MKLN1: variants seen among roughly 807,000 people sequenced by gnomAD.
MKLN1 encodes muskelin.
Under a neutral mutation model 99.0 loss-of-function variants are expected in MKLN1, and 18 were observed. The observed-to-expected ratio is 0.18, with a 90% CI of 0.13 to 0.27. The LOEUF (loss-of-function observed/expected upper bound fraction) is 0.27. Among genes scored for constraint, MKLN1 ranks in the 10% least tolerant of loss-of-function variants. The pLI, the probability that MKLN1 is intolerant of heterozygous loss-of-function variation, is 1.00. For synonymous variants in MKLN1, 288 were observed against 293.2 expected (o/e 0.98, Z 0.18); for missense variants, 621 against 875.9 (o/e 0.71, Z 3.67).
chr7:131,476,753 T>C (rs564131469), intron 16 of MKLN1, among the ~76,000 whole-genome samples: 28 of 152,300 alleles, frequency 1.8e-4, no homozygotes, highest in African/African-American at 6.3e-4. Flanking sequence ...AAAATTTACA[T>C]GGAAATGCAA....
intron 1 of MKLN1, among the ~76,000 whole-genome samples, chr7:131,339,203 G>A (rs550779086): frequency 6.2e-4 from 94 of 152,272 alleles, no homozygotes; most frequent in Middle Eastern, 3.4e-3. Flanking sequence ...GGGAGTTGGC[G>A]CCCCTAGGCC....
At chr7:131,398,942 GT>G (rs1366599155) in intron 5 of MKLN1, among the ~76,000 whole-genome samples, 1 of 152,178 alleles carries the variant, frequency 6.6e-6, no homozygotes, top group Non-Finnish European at 1.5e-5. Context: ...ATTAAGTGGA[GT>G]TTAAGAAATA....
At chr7:131,370,801 A>C (rs1793418414) in intron 1 of MKLN1, among the ~76,000 whole-genome samples, 1 of 152,160 alleles carries the variant, frequency 6.6e-6, no homozygotes, top group Non-Finnish European at 1.5e-5. Context: ...TCTTAGGGAG[A>C]GAAGTATTCA....
intron 2 of MKLN1, among the ~76,000 whole-genome samples, chr7:131,197,714 C>A (rs192109691): frequency 2.9e-4 from 44 of 152,086 alleles, no homozygotes; most frequent in African/African-American, 9.9e-4. Flanking sequence ...TTCATTTTCC[C>A]ACTTTTATAT....
intron 14 of MKLN1, among the ~76,000 whole-genome samples, chr7:131,465,689 C>T (rs1436118184): frequency 1.3e-5 from 2 of 152,122 alleles, no homozygotes; most frequent in Non-Finnish European, 1.5e-5. Flanking sequence ...CAGGCGCCCG[C>T]CACCACGCCC....
intron 3 of MKLN1, among the ~76,000 whole-genome samples, chr7:131,218,778 C>T (rs1317974682): frequency 1.3e-5 from 2 of 151,934 alleles, no homozygotes; most frequent in African/African-American, 4.8e-5. Flanking sequence ...CTCTGACCTT[C>T]CAACCTTCCC....
chr7:131,481,862 C>T (rs2116689941), intron 17 of MKLN1, among the ~76,000 whole-genome samples: 1 of 149,598 alleles, frequency 6.7e-6, no homozygotes, highest in East Asian at 1.9e-4. Flanking sequence ...ATGACTTCCT[C>T]CAGAAATAAT....
chr7:131,413,631 C>T (rs1584715339), intron 7 of MKLN1, among the ~76,000 whole-genome samples: 1 of 152,094 alleles, frequency 6.6e-6, no homozygotes, highest in East Asian at 1.9e-4. Context: ...CCTCCGCCTC[C>T]TGAGTTCAAG....
At chr7:131,135,217 G>T (rs1795630088) in intron 1 of MKLN1, among the ~76,000 whole-genome samples, 1 of 152,206 alleles carries the variant, frequency 6.6e-6, no homozygotes, top group Non-Finnish European at 1.5e-5. Context: ...GCGTCTCCCA[G>T]GTTCAAGTGA....
At chr7:131,372,712 A>G (rs1400925809) in intron 1 of MKLN1, among the ~76,000 whole-genome samples, 1 of 147,698 alleles carries the variant, frequency 6.8e-6, no homozygotes, top group African/African-American at 2.5e-5. Context: ...GATTAGTTAT[A>G]TCCCCTAGGT....
At chr7:131,277,202 C>T (rs534602622) in intron 3 of MKLN1, among the ~76,000 whole-genome samples, 2 of 151,946 alleles carry the variant, frequency 1.3e-5, no homozygotes, top group East Asian at 3.9e-4. Flanking sequence ...TACAAATATA[C>T]AGTTAGAAGA....
intron 1 of MKLN1, among the ~76,000 whole-genome samples, chr7:131,332,634 A>G (rs1380059498): frequency 6.6e-6 from 1 of 151,714 alleles, no homozygotes; most frequent in Non-Finnish European, 1.5e-5. Flanking sequence ...ATCATTCCAG[A>G]TCTTTTACTG....
chr7:131,273,937 A>G (rs1463323864), intron 3 of MKLN1, among the ~76,000 whole-genome samples: 2 of 152,120 alleles, frequency 1.3e-5, no homozygotes, highest in African/African-American at 2.4e-5. Flanking sequence ...TTGTTCATCA[A>G]TTCACTACTT....
intron 2 of MKLN1, among the ~76,000 whole-genome samples, chr7:131,189,849 G>A (rs968579880): frequency 6.6e-6 from 1 of 152,134 alleles, no homozygotes; most frequent in Non-Finnish European, 1.5e-5. Flanking sequence ...TTATTGAGGA[G>A]GTGGAAACAA....
At chr7:131,217,014 G>A (rs1796992579) in intron 3 of MKLN1, among the ~76,000 whole-genome samples, 1 of 152,144 alleles carries the variant, frequency 6.6e-6, no homozygotes, top group Non-Finnish European at 1.5e-5. Flanking sequence ...AAAAAGACAG[G>A]AATAAGAACC....
At chr7:131,469,441 G>T (rs570019659) in intron 15 of MKLN1, among the ~76,000 whole-genome samples, 1 of 152,162 alleles carries the variant, frequency 6.6e-6, no homozygotes, top group Non-Finnish European at 1.5e-5. Context: ...TAATCAAAGC[G>T]TGGGTGCCAA....
chr7:131,486,095 C>CAGAG (rs141739452), intron 17 of MKLN1, among the ~76,000 whole-genome samples: 19 of 147,742 alleles, frequency 1.3e-4, no homozygotes, highest in South Asian at 1.1e-3. Flanking sequence ...TGGAGAGAGA[C>CAGAG]AGAGAGAGAG....
intron 3 of MKLN1, among the ~76,000 whole-genome samples, chr7:131,252,091 C>G (rs947411945): frequency 6.6e-6 from 1 of 152,080 alleles, no homozygotes; most frequent in African/African-American, 2.4e-5. Context: ...TCCCAAATGT[C>G]CTATTCCCCT....
chr7:131,200,087 C>T (rs1263009385), intron 2 of MKLN1, among the ~76,000 whole-genome samples: 1 of 152,092 alleles, frequency 6.6e-6, no homozygotes, highest in East Asian at 1.9e-4. Flanking sequence ...CTCAGCTCTG[C>T]AACCTCTGCC....
Sources: gnomAD v4.1 joint callset for allele counts (sites outside exome capture counted in the v4.1 genomes callset) on GRCh38, gnomAD v4.1.1 for gene constraint, MANE v1.5 for transcripts, NCBI Gene and HGNC (gene_info 2026-07-23, HGNC 2026-07-21) for gene names.